The following CPA6 variants were observed in gnomAD, a reference collection of about 807,000 sequenced individuals.
CPA6 encodes carboxypeptidase A6.
Under a neutral mutation model 63.3 loss-of-function variants are expected in CPA6, and 58 were observed. The ratio of observed to expected loss-of-function variants is 0.92; its 90% confidence interval spans 0.74 to 1.14. CPA6 has a LOEUF of 1.14. Ranked by LOEUF, CPA6 falls within the 50% of genes most tolerant of loss-of-function variation. The pLI is 0.00. For synonymous variants in CPA6, 185 were observed against 179.0 expected, an observed-to-expected ratio of 1.03 and a Z score of -0.27; for missense variants, 565 against 526.6, an observed-to-expected ratio of 1.07 and a Z score of -0.71.
Position 67,518,010 on chromosome 8 carries a change from G to T in CPA6, c.230C>A (p.Ser77Ter). ...ATGGACATCAGTAACTGTTCCCTCT[G>T]ATACATAGGAGATACTGCTGGGCTG... The part of the protein sequence containing the change: ...LWQPSSISYV[S>*]EGTVTDVHIP... Residue 77 changes from serine (S) to a stop codon, truncating the protein, a stop_gained, in exon 3 of 11, where the codon TCA becomes TAA. Coordinates refer to ENST00000297770, the MANE Select transcript of CPA6 (RefSeq NM_020361.5). LOFTEE classifies it high-confidence loss of function. 1.2e-6 allele frequency: 2 copies of T among 1,611,854 alleles called. No homozygotes were observed. Among genetic ancestry groups the T allele is most frequent in the Non-Finnish European group, 1.7e-6 (2 of 1,179,226 alleles).
chr8:67,518,681 A>AT (rs34659405), intron 2 of CPA6, among the ~76,000 whole-genome samples: 51 of 148,728 alleles, frequency 3.4e-4, no homozygotes, highest in African/African-American at 1.1e-3. Context: ...TAATTTTTGT[A>AT]TTTTTTTTTA....
At chr8:67,434,704 C>T (rs1002882692) in intron 8 of CPA6, among the ~76,000 whole-genome samples, 8 of 152,106 alleles carry the variant, frequency 5.3e-5, no homozygotes, top group Non-Finnish European at 1.2e-4. Context: ...GCCGCAGCAG[C>T]TGCAGCTGCA....
intron 1 of CPA6, among the ~76,000 whole-genome samples, chr8:67,630,700 C>T (rs984103848): frequency 1.3e-5 from 2 of 152,226 alleles, no homozygotes; most frequent in African/African-American, 2.4e-5. Flanking sequence ...GAGCTGGCTC[C>T]CTCTGCTTGA....
At chr8:67,724,124 T>G (rs1817553649) in intron 1 of CPA6, among the ~76,000 whole-genome samples, 1 of 151,166 alleles carries the variant, frequency 6.6e-6, no homozygotes, top group Non-Finnish European at 1.5e-5. Context: ...TTCACTGACT[T>G]TTTTCCCTCT....
At chr8:67,649,738 C>A (rs186414633) in intron 1 of CPA6, among the ~76,000 whole-genome samples, 2 of 152,052 alleles carry the variant, frequency 1.3e-5, no homozygotes, top group Admixed American at 1.3e-4. Context: ...GCTATGACCG[C>A]CTGTGACTTG....
At chr8:67,538,784 C>T (rs199680851) in intron 2 of CPA6, among the ~76,000 whole-genome samples, 4 of 151,934 alleles carry the variant, frequency 2.6e-5, no homozygotes, top group Admixed American at 6.6e-5. Flanking sequence ...CTCAGCCTCC[C>T]GAGTAGCTGG....
intron 2 of CPA6, among the ~76,000 whole-genome samples, chr8:67,520,774 C>T (rs1187606847): frequency 6.6e-6 from 1 of 152,236 alleles, no homozygotes; most frequent in Non-Finnish European, 1.5e-5. Flanking sequence ...CGATACAAGA[C>T]ATGCTTAACA....
chr8:67,622,597 A>C (rs10504404), intron 2 of CPA6, among the ~76,000 whole-genome samples: 3,008 of 152,312 alleles, frequency 0.02, 46 homozygotes, highest in African/African-American at 0.035. Flanking sequence ...AATAAACTCA[A>C]TGTTCAAGAC....
At chr8:67,673,320 G>A (rs1307810938) in intron 1 of CPA6, among the ~76,000 whole-genome samples, 1 of 149,898 alleles carries the variant, frequency 6.7e-6, no homozygotes, top group African/African-American at 2.5e-5. Context: ...AATGTTCAGT[G>A]TTGCATGATT....
intron 1 of CPA6, among the ~76,000 whole-genome samples, chr8:67,744,021 T>C (rs1420997459): frequency 2.0e-5 from 3 of 152,206 alleles, no homozygotes; most frequent in African/African-American, 7.2e-5. Context: ...TCCCATCAGA[T>C]TCTTGTTCAC....
chr8:67,578,452 GAATT>G (rs1813681832), intron 2 of CPA6, among the ~76,000 whole-genome samples: 2 of 152,138 alleles, frequency 1.3e-5, no homozygotes. Context: ...CTATTGGTTT[GAATT>G]AATAGTGTAT....
At chr8:67,608,518 C>G (rs1814725445) in intron 2 of CPA6, among the ~76,000 whole-genome samples, 1 of 152,208 alleles carries the variant, frequency 6.6e-6, no homozygotes, top group Non-Finnish European at 1.5e-5. Flanking sequence ...CTCCATCACT[C>G]AATTCAATTC....
intron 8 of CPA6, among the ~76,000 whole-genome samples, chr8:67,436,270 C>T (rs1283511176): frequency 6.6e-6 from 1 of 152,026 alleles, no homozygotes; most frequent in Non-Finnish European, 1.5e-5. Flanking sequence ...GTTTCAGTTG[C>T]ACTGGGGTTG....
At chr8:67,637,492 G>C (rs1183256688) in intron 1 of CPA6, among the ~76,000 whole-genome samples, 3 of 151,548 alleles carry the variant, frequency 2.0e-5, no homozygotes, top group African/African-American at 7.3e-5. Flanking sequence ...GTTCTTTCTT[G>C]TTGTATTTAA....
At chr8:67,540,317 TGG>T (rs1374457902) in intron 2 of CPA6, among the ~76,000 whole-genome samples, 1 of 152,196 alleles carries the variant, frequency 6.6e-6, no homozygotes, top group Non-Finnish European at 1.5e-5. Context: ...CCTGTTTCTC[TGG>T]GTATCACCAG....
At chr8:67,695,800 C>A (rs1816902400) in intron 1 of CPA6, among the ~76,000 whole-genome samples, 1 of 152,184 alleles carries the variant, frequency 6.6e-6, no homozygotes, top group African/African-American at 2.4e-5. Flanking sequence ...TGCTGTTTCT[C>A]TCATAGCCAG....
At chr8:67,613,079 T>A (rs1814851236) in intron 2 of CPA6, among the ~76,000 whole-genome samples, 1 of 152,176 alleles carries the variant, frequency 6.6e-6, no homozygotes, top group Non-Finnish European at 1.5e-5. Context: ...CTCTAAGAAG[T>A]TTATCATCAA....
chr8:67,521,603 T>G (rs1015200211), intron 2 of CPA6, among the ~76,000 whole-genome samples: 1 of 152,232 alleles, frequency 6.6e-6, no homozygotes, highest in Non-Finnish European at 1.5e-5. Context: ...TGAGGCTATT[T>G]GAAAAGCATA....
chr8:67,545,762 C>T (rs545013378), intron 2 of CPA6, among the ~76,000 whole-genome samples: 2 of 152,064 alleles, frequency 1.3e-5, no homozygotes, highest in Admixed American at 6.5e-5. Flanking sequence ...AGGGTTTCTC[C>T]ATGTTGGTTA....
Sources: gnomAD v4.1 joint callset for allele counts (sites outside exome capture counted in the v4.1 genomes callset) on GRCh38, gnomAD v4.1.1 for gene constraint, MANE v1.5 for transcripts, NCBI Gene and HGNC (gene_info 2026-07-23, HGNC 2026-07-21) for gene names.